LOC400499: variants seen among roughly 807,000 people sequenced by gnomAD.
At chr16:11,525,936 C>G in the LOC400499 span, among the ~76,000 whole-genome samples, 1 of 152,190 alleles carries the variant, frequency 6.6e-6, no homozygotes, top group African/African-American at 2.4e-5. Context: ...TACTCACTTC[C>G]AGGAAGAGAT....
the LOC400499 span, chr16:11,471,339 T>G: frequency 1.8e-5 from 4 of 216,866 alleles, no homozygotes; most frequent in Non-Finnish European, 2.7e-5. Flanking sequence ...GAAACAGAAC[T>G]GATTAAAAGG....
the LOC400499 span, among the ~76,000 whole-genome samples, chr16:11,414,985 T>C: frequency 2.6e-5 from 4 of 152,310 alleles, no homozygotes; most frequent in South Asian, 4.1e-4. Context: ...GCTCCTGACA[T>C]GCAGCGGGGG....
At chr16:11,424,327 C>T in the LOC400499 span, 2 of 399,630 alleles carry the variant, frequency 5.0e-6, no homozygotes, top group Non-Finnish European at 8.8e-6. Context: ...AGGAGCATCC[C>T]TGCCTCGGAG....
the LOC400499 span, among the ~76,000 whole-genome samples, chr16:11,504,274 G>T: frequency 0.02 from 2,976 of 152,292 alleles, 102 homozygotes; most frequent in African/African-American, 0.067. Context: ...TCAAGTCCAG[G>T]GCCTGGCGCG....
chr16:11,410,792 G>C, the LOC400499 span, among the ~76,000 whole-genome samples: 4 of 152,274 alleles, frequency 2.6e-5, no homozygotes, highest in South Asian at 4.1e-4. Flanking sequence ...TCTGGGCACA[G>C]ACAATGACAG....
At chr16:11,470,528 TTC>T in the LOC400499 span, 15 of 152,328 alleles carry the variant, frequency 9.8e-5, no homozygotes, top group Admixed American at 6.5e-4. Context: ...AGTCCAAGGC[TTC>T]GGTCTCTTGT....
At chr16:11,519,117 G>T in the LOC400499 span, 1 of 396,880 alleles carries the variant, frequency 2.5e-6, no homozygotes, top group Non-Finnish European at 4.4e-6. Context: ...CCCTTGACCA[G>T]GTACCAAGCC....
chr16:11,477,062 A>C, the LOC400499 span: 2 of 399,718 alleles, frequency 5.0e-6, no homozygotes, highest in Admixed American at 4.4e-5. Context: ...CACCACTGCC[A>C]CCACTGCCAC....
At chr16:11,447,851 C>T in the LOC400499 span, 7 of 1,444,642 alleles carry the variant, frequency 4.8e-6, no homozygotes, top group Non-Finnish European at 6.4e-6. Context: ...TAGCTCTGCC[C>T]ATCCTGTTCC....
At chr16:11,431,683 G>C in the LOC400499 span, among the ~76,000 whole-genome samples, 1 of 152,180 alleles carries the variant, frequency 6.6e-6, no homozygotes, top group Non-Finnish European at 1.5e-5. Context: ...TGGGATTACA[G>C]GCATGAGCTG....
the LOC400499 span, among the ~76,000 whole-genome samples, chr16:11,377,117 C>T: frequency 6.6e-6 from 1 of 152,240 alleles, no homozygotes; most frequent in Non-Finnish European, 1.5e-5. Flanking sequence ...CCATGCCCGG[C>T]AGGAATTGTT....
the LOC400499 span, among the ~76,000 whole-genome samples, chr16:11,450,388 G>A: frequency 6.6e-6 from 1 of 152,172 alleles, no homozygotes; most frequent in Non-Finnish European, 1.5e-5. Context: ...GTCATCTGCC[G>A]AGCAGGGATG....
chr16:11,398,638 A>T, the LOC400499 span: 37 of 646,482 alleles, frequency 5.7e-5, no homozygotes, highest in African/African-American at 6.9e-4. Flanking sequence ...CTCATCAGCC[A>T]CAGCACCCCC....
chr16:11,514,260 C>T, the LOC400499 span: 1 of 398,348 alleles, frequency 2.5e-6, no homozygotes, highest in African/African-American at 2.1e-5. Flanking sequence ...GGTGTCCAGG[C>T]CGGGACAGAG....
At chr16:11,473,713 C>A in the LOC400499 span, among the ~76,000 whole-genome samples, 2 of 150,602 alleles carry the variant, frequency 1.3e-5, no homozygotes, top group African/African-American at 4.9e-5. Context: ...CGAGACCGCA[C>A]CATTGCACTC....
chr16:11,385,244 G>C, the LOC400499 span: 9 of 1,232,294 alleles, frequency 7.3e-6, no homozygotes, highest in Non-Finnish European at 9.1e-6. Flanking sequence ...GGGTCTTGTG[G>C]TTAAGTTCCA....
chr16:11,446,822 T>C, the LOC400499 span: 2 of 1,535,926 alleles, frequency 1.3e-6, no homozygotes, highest in African/African-American at 2.7e-5. Flanking sequence ...ACAACCCTAG[T>C]CTCCAGGGAA....
At chr16:11,433,537 T>C in the LOC400499 span, among the ~76,000 whole-genome samples, 1 of 152,188 alleles carries the variant, frequency 6.6e-6, no homozygotes, top group Non-Finnish European at 1.5e-5. Context: ...GAGCTCCTAA[T>C]CCCTTGGAAC....
chr16:11,523,691 C>T, the LOC400499 span: 2 of 369,240 alleles, frequency 5.4e-6, no homozygotes, highest in East Asian at 7.7e-5. Flanking sequence ...ATCTTGGGTA[C>T]TGGCACCATC....
Sources: gnomAD v4.1 joint callset for allele counts (sites outside exome capture counted in the v4.1 genomes callset) on GRCh38, gnomAD v4.1.1 for gene constraint, MANE v1.5 for transcripts.